PPP1CC: variants seen among roughly 807,000 people sequenced by gnomAD.
The protein encoded by PPP1CC is protein phosphatase 1 catalytic subunit gamma.
PPP1CC carries 16 observed loss-of-function variants against 38.4 expected under a neutral mutation model. The observed-to-expected ratio is 0.42, with a 90% CI of 0.28 to 0.63. The LOEUF (loss-of-function observed/expected upper bound fraction) is 0.63, where lower values mean the gene tolerates loss of function less well. PPP1CC is among the 30% of genes least tolerant of loss of function. The probability of loss-of-function intolerance (pLI) is 0.25; values close to 1 mark genes in which losing one functional copy is unlikely to be tolerated. For synonymous variants in PPP1CC, 158 were observed against 136.0 expected (o/e 1.16, Z -1.13); for missense variants, 170 against 391.3 (o/e 0.43, Z 4.77).
chr12:110,716,977 A>G (rs2069692531), downstream of PPP1CC, among the ~76,000 whole-genome samples: 1 of 152,188 alleles, frequency 6.6e-6, no homozygotes, highest in Non-Finnish European at 1.5e-5. Context: ...ACTCTTCTGA[A>G]GCTCACACGT....
At chr12:110,716,392 G>A (rs79104860), downstream of PPP1CC, among the ~76,000 whole-genome samples, 12,535 of 149,048 alleles carry the variant, frequency 0.084, 566 homozygotes, top group Middle Eastern at 0.11. Flanking sequence ...TCGCTCTGTT[G>A]CCCAGTCTGG....
intron 1 of PPP1CC, chr12:110,732,819 C>T (rs1280126103): frequency 6.6e-6 from 1 of 152,114 alleles, no homozygotes; most frequent in Non-Finnish European, 1.5e-5. Context: ...CTTGTCAGCA[C>T]GTAGGTAGTT....
In PPP1CC at chr12:110,719,746, C is replaced by G. The variant is rs1399242984; in HGVS notation, c.*1330G>C. ...GTTACAACTCAAAGAGTATTAGTAT[C>G]TGTATTATAATCCATCTTTGGAAAA... On this transcript the variant is annotated 3_prime_UTR_variant, in exon 7 of 7. Transcript: ENST00000335007. 3.2e-5 allele frequency: 6 copies of G among 188,508 alleles called. No individual in the cohort carries two copies. 11.7% of individuals were successfully genotyped at this position (188,508 alleles called of 1,614,324 possible). A position where few individuals can be genotyped will look rare whatever the true frequency, so the allele number is the denominator to read the frequency against.
At chr12:110,718,915 GAAAAAT>G (rs2069708984), downstream of PPP1CC, among the ~76,000 whole-genome samples, 1 of 151,972 alleles carries the variant, frequency 6.6e-6, no homozygotes, top group Non-Finnish European at 1.5e-5. Context: ...TGTTCCTTAA[GAAAAAT>G]TTGAGCCAGA....
rs547680546 is a variant in PPP1CC, at chr12:110,720,096, G to A, written c.*980C>T. 1.4e-5 allele frequency: 21 copies of A among 1,510,662 alleles called. No homozygotes were observed. Among genetic ancestry groups the A allele is most frequent in the African/African-American group, 6.9e-5 (5 of 72,632 alleles). 93.6% of individuals were successfully genotyped at this position (1,510,662 alleles called of 1,614,324 possible). ...TTAACTTATAAGCCTCAACTTCACC[G>A]CAGAATAAAGAATGTAGGCCAAAGA... is the stretch of plus-strand genomic sequence containing the variant. On this transcript the variant is annotated 3_prime_UTR_variant, in exon 7 of 7. Transcript: ENST00000335007.
At chr12:110,731,099 C>G (rs1386564847) in intron 2 of PPP1CC, among the ~76,000 whole-genome samples, 1 of 152,150 alleles carries the variant, frequency 6.6e-6, no homozygotes, top group East Asian at 1.9e-4. Flanking sequence ...TATCAGATCT[C>G]TGACAGCTCA....
chr12:110,711,169 T>C, the PPP1CC span, among the ~76,000 whole-genome samples: 3 of 151,944 alleles, frequency 2.0e-5, no homozygotes, highest in African/African-American at 7.3e-5. Flanking sequence ...TGAGACTCTG[T>C]CTCAAAATAA....
At position 110,722,706 on chromosome 12, in the gene PPP1CC, A is replaced by C; in HGVS notation, c.524-11T>G. 6.4e-7 allele frequency: 1 copy of C among 1,569,204 alleles called. No homozygotes were observed. Among genetic ancestry groups the C allele is most frequent in the Middle Eastern group, 1.7e-4 (1 of 5,872 alleles). On this transcript the variant is annotated splice_polypyrimidine_tract_variant and intron_variant, in intron 4 of 6. Coordinates refer to ENST00000335007, the MANE Select transcript of PPP1CC (RefSeq NM_002710.4). The surrounding 1 kb of genome is among the most constrained non-coding windows in gnomAD (Gnocchi z 5.4). ...GATCTGGTGATAAACCTATTCAATG[A>C]GGAAAAAAAAAAAATGAAGAAAGCA...
chr12:110,726,985 G>T (rs11833225), intron 3 of PPP1CC, among the ~76,000 whole-genome samples: 65,988 of 151,996 alleles, frequency 0.43, 16,036 homozygotes, highest in African/African-American at 0.66. Flanking sequence ...ATCACCTAGG[G>T]GGAATGAAGC....
At chr12:110,715,273 G>A (rs938219099), downstream of PPP1CC, among the ~76,000 whole-genome samples, 5 of 152,066 alleles carry the variant, frequency 3.3e-5, no homozygotes, top group East Asian at 1.9e-4. Flanking sequence ...GCTAAATATC[G>A]CTATTAGGAA....
Position 110,742,675 on chromosome 12 carries a change from G to C in PPP1CC, c.33C>G (p.Ser11Arg). 6.8e-7 allele frequency: 1 copy of C among 1,471,922 alleles called. No individual in the cohort carries two copies. The highest frequency in any genetic ancestry group is 9.1e-7 in the Non-Finnish European group (1 of 1,104,090). 91.2% of individuals were successfully genotyped at this position (1,471,922 alleles called of 1,614,324 possible). Residue 11 changes from serine (S) to arginine (R), a missense_variant, in exon 1 of 7, where the codon AGC becomes AGG. Ser to Arg is a moderately radical substitution (Grantham distance 110, BLOSUM62 -1). Coordinates refer to ENST00000335007, the MANE Select transcript of PPP1CC (RefSeq NM_002710.4). Reference protein sequence around the residue: MADLDKLNIDSIIQRLLEVRG... With the variant: MADLDKLNIDRIIQRLLEVRG... Reference sequence around the variant, plus strand: ...TACCTTCCAGCAGCCGTTGGATAATGCTGTCGATGTTGAGTTTATCTAAAT... The same window carrying C: ...TACCTTCCAGCAGCCGTTGGATAATCCTGTCGATGTTGAGTTTATCTAAAT...
intron 4 of PPP1CC, among the ~76,000 whole-genome samples, chr12:110,723,996 T>C (rs1037663715): frequency 2.6e-5 from 4 of 151,976 alleles, no homozygotes; most frequent in African/African-American, 9.7e-5. Flanking sequence ...CCCAGCACTT[T>C]GGGAGGCCGA....
Position 110,742,738 on chromosome 12 carries a change from G to A in PPP1CC, c.-31C>T. 3 of 1,386,296 alleles carry A rather than the reference G, an allele frequency of 2.2e-6. No individual in the cohort carries two copies. The highest frequency in any genetic ancestry group is 2.8e-6 in the Non-Finnish European group (3 of 1,058,080). The allele number at this position is 1,386,296 out of a possible 1,614,324, so 85.9% of individuals were successfully genotyped here. A position where few individuals can be genotyped will look rare whatever the true frequency, so the allele number is the denominator to read the frequency against. On this transcript the variant is annotated 5_prime_UTR_variant, in exon 1 of 7. Transcript: ENST00000335007. ...TCCCACCGCCGACCCTCCCGCAGCG[G>A]CGCCGCCGCCGGCTCGCGCCCGGGA...
intron 3 of PPP1CC, 71 bp from the exon 4 acceptor site, chr12:110,724,835 T>G: frequency 2.3e-6 from 2 of 871,574 alleles, no homozygotes; most frequent in Non-Finnish European, 3.7e-6. Flanking sequence ...CTCTCAGGAT[T>G]AACTTCCCCC....
At chr12:110,731,675 T>A in intron 2 of PPP1CC, 95 bp downstream of exon 2, 1 of 1,386,920 alleles carries the variant, frequency 7.2e-7, no homozygotes, top group South Asian at 1.5e-5. Context: ...GCAAACAGGA[T>A]AATCATTCTG....
chr12:110,721,293 CT>C (rs1376596126), intron 6 of PPP1CC, 128 bp from the exon 7 acceptor site: 7 of 672,700 alleles, frequency 1.0e-5, no homozygotes, highest in Admixed American at 8.3e-5. Context: ...AAAAGCCCCC[CT>C]AGCATATTAA....
intron 1 of PPP1CC, chr12:110,734,933 T>G (rs961119435): frequency 7.9e-6 from 1 of 126,350 alleles, no homozygotes; most frequent in South Asian, 2.8e-4. Flanking sequence ...GAGGTTGCAG[T>G]GAGCTGAGAT....
intron 4 of PPP1CC, among the ~76,000 whole-genome samples, chr12:110,724,055 G>A (rs1223833007): frequency 2.0e-5 from 3 of 151,876 alleles, no homozygotes; most frequent in Admixed American, 6.6e-5. Context: ...TGGCTAACAC[G>A]GTGAAGCCCC....
At chr12:110,735,865 G>A (rs530428869) in intron 1 of PPP1CC, among the ~76,000 whole-genome samples, 1 of 151,944 alleles carries the variant, frequency 6.6e-6, no homozygotes, top group Non-Finnish European at 1.5e-5. Context: ...AGGAGTTCGA[G>A]ACCAGCCTGG....
Sources: gnomAD v4.1 joint callset for allele counts (sites outside exome capture counted in the v4.1 genomes callset) on GRCh38, gnomAD v4.1.1 for gene constraint, Gnocchi (gnomAD v3.1) non-coding constraint, MANE v1.5 for transcripts, NCBI Gene and HGNC (gene_info 2026-07-23, HGNC 2026-07-21) for gene names.